The following MTCL2 variants were observed in gnomAD, a reference collection of about 807,000 sequenced individuals.
MTCL2 encodes microtubule crosslinking factor 2.
the MTCL2 span, chr20:36,812,801 C>T: frequency 1.5e-5 from 25 of 1,613,302 alleles, no homozygotes; most frequent in African/African-American, 4.0e-5. Flanking sequence ...GAAAGCCTCT[C>T]GGATCCTGGG....
At chr20:36,840,908 G>A in the MTCL2 span, among the ~76,000 whole-genome samples, 5 of 152,082 alleles carry the variant, frequency 3.3e-5, no homozygotes, top group South Asian at 2.1e-4. Context: ...TGTGCTAAGC[G>A]CAGGGGCAGG....
chr20:36,795,786 C>A, the MTCL2 span, among the ~76,000 whole-genome samples: 1 of 150,702 alleles, frequency 6.6e-6, no homozygotes, highest in Non-Finnish European at 1.5e-5. Context: ...AAAAAAAAAA[C>A]AAAAACAAAA....
At chr20:36,841,880 T>TGG in the MTCL2 span, among the ~76,000 whole-genome samples, 365 of 126,828 alleles carry the variant, frequency 2.9e-3, 3 homozygotes, top group South Asian at 0.021. Context: ...GTGGGGTGTG[T>TGG]GTGTGTGTGT....
At chr20:36,839,520 T>C in the MTCL2 span, 1 of 1,325,700 alleles carries the variant, frequency 7.5e-7, no homozygotes, top group Non-Finnish European at 1.0e-6. The surrounding 1 kb of genome is among the most constrained non-coding windows in gnomAD (Gnocchi z 5.1). Flanking sequence ...CACCTAGGAC[T>C]GAATGAAGCA....
At chr20:36,808,166 C>T in the MTCL2 span, among the ~76,000 whole-genome samples, 95 of 151,510 alleles carry the variant, frequency 6.3e-4, 4 homozygotes, top group Non-Finnish European at 3.1e-4. Flanking sequence ...TGAGCCACCG[C>T]ACCCGGCCAA....
chr20:36,847,203 CG>C, the MTCL2 span, among the ~76,000 whole-genome samples: 10 of 152,166 alleles, frequency 6.6e-5, no homozygotes, highest in Non-Finnish European at 1.3e-4. Flanking sequence ...AAGGGACCTG[CG>C]GGGCTGGATT....
the MTCL2 span, among the ~76,000 whole-genome samples, chr20:36,808,248 C>T: frequency 6.7e-6 from 1 of 150,246 alleles, no homozygotes; most frequent in African/African-American, 2.4e-5. Context: ...CCCAGCTACT[C>T]GGGAGGCTGA....
the MTCL2 span, among the ~76,000 whole-genome samples, chr20:36,856,736 T>C: frequency 6.6e-6 from 1 of 152,224 alleles, no homozygotes; most frequent in Non-Finnish European, 1.5e-5. Flanking sequence ...CTTGTAGAAG[T>C]AAGTCTAGTG....
At chr20:36,807,962 G>A in the MTCL2 span, among the ~76,000 whole-genome samples, 6 of 128,900 alleles carry the variant, frequency 4.7e-5, no homozygotes, top group Admixed American at 1.9e-4. Flanking sequence ...TGCAAGCTCC[G>A]CCTCCTGGGT....
the MTCL2 span, among the ~76,000 whole-genome samples, chr20:36,810,706 T>TTCTCTCTCTCCCTCTCTCTCTCTC: frequency 1.6e-5 from 1 of 60,998 alleles, no homozygotes; most frequent in African/African-American, 5.6e-5. Flanking sequence ...CCTCCCCTCC[T>TTCTCTCTCTCCCTCTCTCTCTCTC]TCTCTCTCTC....
chr20:36,787,853 T>C, the MTCL2 span, among the ~76,000 whole-genome samples: 1 of 130,426 alleles, frequency 7.7e-6, no homozygotes, highest in Non-Finnish European at 1.6e-5. Context: ...GCCACTGCAC[T>C]CCAGCCTGGG....
chr20:36,825,767 G>C, the MTCL2 span, among the ~76,000 whole-genome samples: 2 of 152,200 alleles, frequency 1.3e-5, no homozygotes, highest in Non-Finnish European at 2.9e-5. Context: ...TGTCAGGAAA[G>C]AGACGGAGGA....
chr20:36,860,826 G>A, the MTCL2 span, among the ~76,000 whole-genome samples: 1 of 152,240 alleles, frequency 6.6e-6, no homozygotes, highest in Admixed American at 6.5e-5. Context: ...CACGAAGCCT[G>A]AGCCACTGAA....
chr20:36,839,828 G>T, the MTCL2 span, among the ~76,000 whole-genome samples: 1 of 152,116 alleles, frequency 6.6e-6, no homozygotes, highest in East Asian at 1.9e-4. The surrounding 1 kb of genome is among the most constrained non-coding windows in gnomAD (Gnocchi z 5.1). Context: ...CTAGACCTTT[G>T]ACCTCCAGGA....
At chr20:36,803,227 C>T in the MTCL2 span, 1 of 1,411,990 alleles carries the variant, frequency 7.1e-7, no homozygotes. Context: ...GAAGACCCCT[C>T]ACTAGGGACT....
the MTCL2 span, among the ~76,000 whole-genome samples, chr20:36,850,448 C>T: frequency 2.9e-3 from 434 of 152,132 alleles, 2 homozygotes; most frequent in Middle Eastern, 6.8e-3. Context: ...ATTGCTTGAA[C>T]CCAGGAGGTG....
the MTCL2 span, among the ~76,000 whole-genome samples, chr20:36,814,428 GACACACACAAAT>G: frequency 1.7e-4 from 26 of 152,152 alleles, no homozygotes; most frequent in Non-Finnish European, 3.1e-4. Context: ...CACTCTACTA[GACACACACAAAT>G]ACTGAACATT....
At chr20:36,786,634 C>A in the MTCL2 span, 2 of 1,548,876 alleles carry the variant, frequency 1.3e-6, no homozygotes, top group Non-Finnish European at 1.7e-6. Context: ...TCACAAACAG[C>A]GTCCTAGGAA....
At chr20:36,862,831 G>C in the MTCL2 span, 1 of 1,311,604 alleles carries the variant, frequency 7.6e-7, no homozygotes, top group Non-Finnish European at 9.7e-7. Context: ...GAGGCGGGCG[G>C]CCGCGGGGGC....
Sources: allele counts gnomAD v4.1 joint callset (sites outside exome capture counted in the v4.1 genomes callset), GRCh38; gene constraint gnomAD v4.1.1; non-coding constraint Gnocchi (gnomAD v3.1); transcripts MANE v1.5; gene names NCBI Gene and HGNC (gene_info 2026-07-23, HGNC 2026-07-21).